MRE11: variants seen among roughly 807,000 people sequenced by gnomAD.
MRE11 encodes double-strand break repair protein MRE11.
A neutral mutation model predicts 91.7 loss-of-function variants in MRE11; 62 were observed. The observed-to-expected ratio is 0.68, with a 90% CI of 0.55 to 0.84. MRE11 has a LOEUF of 0.84. Among genes scored for constraint, MRE11 ranks in the 40% least tolerant of loss-of-function variants. The pLI, the probability that MRE11 is intolerant of heterozygous loss-of-function variation, is 0.00. For missense variants in MRE11, 796 were observed against 852.9 expected, an observed-to-expected ratio of 0.93 and a Z score of 0.83; for synonymous variants, 273 against 271.4, an observed-to-expected ratio of 1.01 and a Z score of -0.06.
At chr11:94,433,943 G>A (rs1226939780) in intron 18 of MRE11, among the ~76,000 whole-genome samples, 2 of 152,032 alleles carry the variant, frequency 1.3e-5, no homozygotes, top group African/African-American at 2.4e-5. Flanking sequence ...GTAGATGCCC[G>A]TCCTGTGCCA....
At chr11:94,442,732 A>G (rs1299174910) in intron 16 of MRE11, among the ~76,000 whole-genome samples, 8 of 152,200 alleles carry the variant, frequency 5.3e-5, no homozygotes, top group Non-Finnish European at 1.5e-5. Flanking sequence ...AATACAATAG[A>G]GATTATTATT....
At chr11:94,448,050 C>T (rs1326448773) in intron 14 of MRE11, among the ~76,000 whole-genome samples, 1 of 152,054 alleles carries the variant, frequency 6.6e-6, no homozygotes, top group African/African-American at 2.4e-5. Flanking sequence ...TTCAATGCCA[C>T]ATTTGACAGT....
chr11:94,434,311 GGTCA>G (rs1309087418), intron 18 of MRE11, among the ~76,000 whole-genome samples: 1 of 151,798 alleles, frequency 6.6e-6, no homozygotes, highest in East Asian at 1.9e-4. Context: ...TTCTCAGTGG[GGTCA>G]GTATCATAAA....
At chr11:94,490,100 C>T (rs557225139) in intron 3 of MRE11, among the ~76,000 whole-genome samples, 23 of 152,252 alleles carry the variant, frequency 1.5e-4, no homozygotes, top group South Asian at 4.1e-4. Context: ...TATTATACTC[C>T]GCTGCCAAAA....
the MRE11 span, among the ~76,000 whole-genome samples, chr11:94,504,658 G>A: frequency 1.3e-5 from 2 of 152,140 alleles, no homozygotes; most frequent in South Asian, 4.1e-4. Flanking sequence ...GAAGAAAAAC[G>A]ATAGCATTCA....
At chr11:94,475,653 CA>C (rs1946833369) in intron 7 of MRE11, 3 of 455,610 alleles carry the variant, frequency 6.6e-6, no homozygotes, top group Non-Finnish European at 1.3e-5. Context: ...AAACTACTAA[CA>C]AAAGAAAGGT....
intron 16 of MRE11, among the ~76,000 whole-genome samples, chr11:94,439,831 T>C (rs547806222): frequency 2.0e-4 from 30 of 152,332 alleles, no homozygotes; most frequent in Non-Finnish European, 3.1e-4. Context: ...ACTAGTAAAA[T>C]TGAGAAGTCA....
At chr11:94,445,396 A>G (rs1945896994) in intron 16 of MRE11, among the ~76,000 whole-genome samples, 1 of 152,186 alleles carries the variant, frequency 6.6e-6, no homozygotes, top group African/African-American at 2.4e-5. Flanking sequence ...TGCAACCTCC[A>G]GTTCCTGGGT....
At chr11:94,505,299 G>A in the MRE11 span, among the ~76,000 whole-genome samples, 364 of 152,232 alleles carry the variant, frequency 2.4e-3, 1 homozygote, top group African/African-American at 7.6e-3. Flanking sequence ...AGATGACATA[G>A]GAATAACTCC....
chr11:94,437,035 AG>A, intron 17 of MRE11, 141 bp downstream of exon 17: 1 of 661,966 alleles, frequency 1.5e-6, no homozygotes, highest in Non-Finnish European at 2.5e-6. Flanking sequence ...TAGAAGCCCT[AG>A]AGATAATTGG....
chr11:94,508,574 A>C, the MRE11 span, among the ~76,000 whole-genome samples: 1 of 152,138 alleles, frequency 6.6e-6, no homozygotes, highest in Non-Finnish European at 1.5e-5. Flanking sequence ...TTTATCATTT[A>C]TCTGGTGATC....
rs114721243 is a variant in MRE11 at position 94,425,715 on chromosome 11, G to A, written c.2070+4196C>T. 1.4e-3 allele frequency among the ~76,000 whole-genome samples: 210 copies of A among 152,224 alleles called. 1 individual carries two copies. Among genetic ancestry groups the A allele is most frequent in the African/African-American group, 3.4e-3 (143 of 41,550 alleles). On this transcript the variant is annotated intron_variant, in intron 19 of 19. Coordinates refer to ENST00000323929, the MANE Select transcript of MRE11 (RefSeq NM_005591.4). Reference sequence around the variant, plus strand: ...CACAATTCTTTTATCAGATATAGCCGATTTTAAACCAACCAACAGTAAAAA... The same window carrying A: ...CACAATTCTTTTATCAGATATAGCCAATTTTAAACCAACCAACAGTAAAAA...
At chr11:94,462,658 T>G (rs920531668) in intron 11 of MRE11, among the ~76,000 whole-genome samples, 1 of 152,122 alleles carries the variant, frequency 6.6e-6, no homozygotes, top group Non-Finnish European at 1.5e-5. Context: ...TTGACAAACC[T>G]GACAAAAACA....
At chr11:94,444,055 C>T (rs1369540153) in intron 16 of MRE11, among the ~76,000 whole-genome samples, 8 of 151,512 alleles carry the variant, frequency 5.3e-5, no homozygotes, top group South Asian at 2.1e-4. Flanking sequence ...TACAGGTGCA[C>T]GCCGCCCTGC....
At chr11:94,430,301 A>C (rs1945430013) in intron 18 of MRE11, among the ~76,000 whole-genome samples, 1 of 152,176 alleles carries the variant, frequency 6.6e-6, no homozygotes, top group Non-Finnish European at 1.5e-5. Flanking sequence ...ATGCTTAAAC[A>C]CTTAGAACAG....
At position 94,429,305 on chromosome 11, in the gene MRE11, G is replaced by C. The variant is rs184262753; in HGVS notation, c.2070+606C>G. 8.3e-4 allele frequency among the ~76,000 whole-genome samples: 127 copies of C among 152,192 alleles called. 2 individuals are homozygous for C. Among genetic ancestry groups the C allele is most frequent in the Non-Finnish European group, 3.4e-4 (23 of 68,004 alleles). Reference sequence around the variant, plus strand: ...CTCAAAGAACTTAAAACAGAGCTACGATTTGACCCAGCAATCCCATTACTG... The same window carrying C: ...CTCAAAGAACTTAAAACAGAGCTACCATTTGACCCAGCAATCCCATTACTG... On this transcript the variant is annotated intron_variant, in intron 19 of 19. Transcript: ENST00000323929.
rs56850566 is a variant in MRE11 at position 94,447,665 on chromosome 11, C to CAA, written c.1564-229_1564-228dup. Among the ~76,000 whole-genome samples the CAA allele has an allele frequency of 0.16, 7,977 of 48,828 alleles. 559 individuals are homozygous for CAA. The highest frequency in any genetic ancestry group is 0.24 in the South Asian group (280 of 1,168). The allele number at this position is 48,828 out of a possible 152,430, so 32.0% of individuals were successfully genotyped here. Reference sequence around the variant, plus strand: ...GCAACACAGCGAAACCCCGTCTCTACAAAAAAAAAAAAAAAAAAAAAAAAT... The same window carrying CAA: ...GCAACACAGCGAAACCCCGTCTCTACAAAAAAAAAAAAAAAAAAAAAAAAAAT... On this transcript the variant is annotated intron_variant, in intron 14 of 19. Coordinates refer to ENST00000323929, the MANE Select transcript of MRE11 (RefSeq NM_005591.4).
chr11:94,495,755 C>T (rs191286564), upstream of MRE11, among the ~76,000 whole-genome samples: 3 of 152,210 alleles, frequency 2.0e-5, no homozygotes, highest in Non-Finnish European at 4.4e-5. Flanking sequence ...AATTATGAAC[C>T]TCCTGTATAC....
intron 19 of MRE11, 56 bp downstream of exon 19, chr11:94,429,853 CTA>C: frequency 7.0e-7 from 1 of 1,425,924 alleles, no homozygotes; most frequent in Non-Finnish European, 9.6e-7. Context: ...CTGGCAGTCT[CTA>C]TTTAAATTTT....
Sources: gnomAD v4.1 joint callset for allele counts (sites outside exome capture counted in the v4.1 genomes callset) on GRCh38, gnomAD v4.1.1 for gene constraint, MANE v1.5 for transcripts, NCBI Gene and HGNC (gene_info 2026-07-23, HGNC 2026-07-21) for gene names.